Variants in GNA12 observed in about 807,000 individuals in gnomAD.
GNA12 encodes the protein G protein subunit alpha 12.
Under a neutral mutation model 26.0 loss-of-function variants are expected in GNA12, and 9 were observed. The observed-to-expected ratio is 0.35, with a 90% CI of 0.21 to 0.60. The LOEUF (loss-of-function observed/expected upper bound fraction) is 0.60. Ranked by LOEUF, GNA12 falls within the 20% of genes least tolerant of loss-of-function variation. The probability of loss-of-function intolerance (pLI) is 0.78; values close to 1 mark genes in which losing one functional copy is unlikely to be tolerated. For synonymous variants in GNA12, 264 were observed against 219.6 expected (o/e 1.20, Z -1.79); for missense variants, 405 against 525.8 (o/e 0.77, Z 2.25).
chr7:2,775,813 C>T (rs1357277523), intron 2 of GNA12, among the ~76,000 whole-genome samples: 1 of 152,234 alleles, frequency 6.6e-6, no homozygotes, highest in African/African-American at 2.4e-5. Context: ...AGGAGCCTCC[C>T]ACAGAGCTGG....
At chr7:2,733,373 C>T (rs1789997046) in intron 3 of GNA12, 78 bp downstream of exon 3, 6 of 1,209,776 alleles carry the variant, frequency 5.0e-6, no homozygotes, top group Non-Finnish European at 7.2e-6. Context: ...AAAGTCCTCA[C>T]AACGTGGACT....
chr7:2,756,338 G>T (rs897482400), intron 2 of GNA12, among the ~76,000 whole-genome samples: 7 of 152,146 alleles, frequency 4.6e-5, no homozygotes, highest in Admixed American at 3.3e-4. Context: ...ATTCAAACTG[G>T]ATCACTAAAA....
At chr7:2,771,389 A>G (rs1159634381) in intron 2 of GNA12, among the ~76,000 whole-genome samples, 1 of 152,176 alleles carries the variant, frequency 6.6e-6, no homozygotes, top group South Asian at 2.1e-4. Context: ...TGGGACCATC[A>G]TAACAGCCAA....
intron 2 of GNA12, among the ~76,000 whole-genome samples, chr7:2,737,055 G>A (rs549410383): frequency 3.1e-4 from 47 of 152,240 alleles, no homozygotes; most frequent in African/African-American, 1.0e-3. Flanking sequence ...AGACTGACAG[G>A]GTGTGCATTA....
chr7:2,828,579 CTGGCTGCAGG>C (rs923156621), intron 1 of GNA12, among the ~76,000 whole-genome samples: 2 of 152,232 alleles, frequency 1.3e-5, no homozygotes, highest in African/African-American at 4.8e-5. Context: ...GTCTACCAAG[CTGGCTGCAGG>C]TGGCTGCCCC....
intron 1 of GNA12, among the ~76,000 whole-genome samples, chr7:2,839,476 T>G (rs542697003): frequency 6.6e-6 from 1 of 152,120 alleles, no homozygotes; most frequent in Non-Finnish European, 1.5e-5. Flanking sequence ...CTATGCCTCC[T>G]AGGTTCAAGT....
chr7:2,766,589 T>C (rs1791810853), intron 2 of GNA12, among the ~76,000 whole-genome samples: 1 of 152,124 alleles, frequency 6.6e-6, no homozygotes, highest in Non-Finnish European at 1.5e-5. Flanking sequence ...TTTCACCATG[T>C]TGGCCAGGCT....
At chr7:2,835,282 G>A (rs1199274017) in intron 1 of GNA12, among the ~76,000 whole-genome samples, 1 of 152,076 alleles carries the variant, frequency 6.6e-6, no homozygotes, top group Non-Finnish European at 1.5e-5. Flanking sequence ...CACAACTTCG[G>A]GAACACCAAA....
At chr7:2,830,918 G>T (rs1275208984) in intron 1 of GNA12, among the ~76,000 whole-genome samples, 2 of 151,658 alleles carry the variant, frequency 1.3e-5, no homozygotes, top group African/African-American at 4.9e-5. Context: ...ATCAGCCTAG[G>T]TGACAGAGCA....
chr7:2,775,425 G>T (rs977056299), intron 2 of GNA12: 1 of 152,242 alleles, frequency 6.6e-6, no homozygotes, highest in Non-Finnish European at 1.5e-5. Flanking sequence ...ACGACAAACC[G>T]AGAGGAGGAA....
At chr7:2,838,758 T>G (rs1778907827) in intron 1 of GNA12, among the ~76,000 whole-genome samples, 1 of 152,156 alleles carries the variant, frequency 6.6e-6, no homozygotes, top group African/African-American at 2.4e-5. Context: ...TATATTAAAA[T>G]ATCTGATAAT....
chr7:2,747,268 T>C (rs1790812364), intron 2 of GNA12, among the ~76,000 whole-genome samples: 1 of 152,166 alleles, frequency 6.6e-6, no homozygotes. Flanking sequence ...GCAAAAATCC[T>C]CAATAAAATA....
intron 2 of GNA12, among the ~76,000 whole-genome samples, chr7:2,753,564 C>T (rs909125646): frequency 7.2e-5 from 11 of 152,190 alleles, no homozygotes; most frequent in East Asian, 3.9e-4. Context: ...CTGAACGTGC[C>T]GCAGTTTATT....
chr7:2,793,838 C>T (rs1189855826), intron 2 of GNA12, among the ~76,000 whole-genome samples: 6 of 143,082 alleles, frequency 4.2e-5, no homozygotes, highest in East Asian at 2.0e-4. Context: ...GCTGAGATGG[C>T]GCCACTGCAC....
At chr7:2,833,806 C>T (rs560166020) in intron 1 of GNA12, among the ~76,000 whole-genome samples, 1 of 152,210 alleles carries the variant, frequency 6.6e-6, no homozygotes, top group Non-Finnish European at 1.5e-5. Context: ...CAGCATCAAG[C>T]CTAAAGAGGC....
chr7:2,735,054 A>G (rs1453394628), intron 2 of GNA12, among the ~76,000 whole-genome samples: 1 of 152,182 alleles, frequency 6.6e-6, no homozygotes, highest in Non-Finnish European at 1.5e-5. Context: ...TCCTCTGCAC[A>G]TCATGCCTCC....
rs116515234 is a variant in GNA12, at chr7:2,814,913, A to G, written c.310-19770T>C. On this transcript the variant is annotated intron_variant, in intron 1 of 3. Coordinates refer to ENST00000275364, the MANE Select transcript of GNA12 (RefSeq NM_007353.3). The stretch of plus-strand genomic sequence containing the variant: ...GCATCCTTGCTAGGCACGGCCTGGG[A>G]AACATTCTCCGTTTCATTTCAAATG... 2.0e-3 allele frequency: 3,156 copies of G among 1,598,934 alleles called. 66 individuals carry two copies. The African/African-American group carries it at 0.038, about 19-fold the overall frequency.
At chr7:2,743,653 C>T (rs910850662) in intron 2 of GNA12, among the ~76,000 whole-genome samples, 9 of 152,120 alleles carry the variant, frequency 5.9e-5, no homozygotes, top group African/African-American at 1.9e-4. Context: ...ACTGAGGTAC[C>T]GGGTTCATCT....
At position 2,805,695 on chromosome 7, in the gene GNA12, A is replaced by T. The variant is rs560411824; in HGVS notation, c.310-10552T>A. On this transcript the variant is annotated intron_variant, in intron 1 of 3. Transcript: ENST00000275364. ...CAACACTTCTGAAATTCTCTAGAACATTTTTTAAAAATAGTAATTAAAATC... is the reference window on the plus strand; with the variant it reads ...CAACACTTCTGAAATTCTCTAGAACTTTTTTTAAAAATAGTAATTAAAATC... Among the ~76,000 whole-genome samples the T allele has an allele frequency of 3.3e-5, 5 of 152,376 alleles. No homozygotes were observed. The South Asian group carries it at 1.0e-3, about 32-fold the overall frequency.
Sources: allele counts gnomAD v4.1 joint callset (sites outside exome capture counted in the v4.1 genomes callset), GRCh38; gene constraint gnomAD v4.1.1; transcripts MANE v1.5; gene names NCBI Gene and HGNC (gene_info 2026-07-23, HGNC 2026-07-21).